Variants in HERPUD2 observed in about 807,000 individuals in gnomAD.
The protein encoded by HERPUD2 is homocysteine-responsive endoplasmic reticulum-resident ubiquitin-like domain member 2 protein.
A neutral mutation model predicts 49.9 loss-of-function variants in HERPUD2; 13 were observed. The ratio of observed to expected loss-of-function variants is 0.26; its 90% CI spans 0.17 to 0.41. HERPUD2 has a LOEUF of 0.41. HERPUD2 is among the 10% of genes least tolerant of loss of function. HERPUD2 has a pLI of 1.00. For synonymous variants in HERPUD2, 172 were observed against 171.4 expected, an observed-to-expected ratio of 1.00 and a Z score of -0.03; for missense variants, 449 against 492.2, an observed-to-expected ratio of 0.91 and a Z score of 0.83.
At chr7:35,675,759 T>C (rs1785747297) in intron 2 of HERPUD2, among the ~76,000 whole-genome samples, 5 of 152,066 alleles carry the variant, frequency 3.3e-5, no homozygotes, top group Admixed American at 3.3e-4. Context: ...TGTATTTTAA[T>C]CTTTTTTTTA....
chr7:35,651,016 G>A (rs1340236202), intron 5 of HERPUD2, among the ~76,000 whole-genome samples: 2 of 152,136 alleles, frequency 1.3e-5, no homozygotes, highest in Non-Finnish European at 2.9e-5. Flanking sequence ...CCAGAGGCCT[G>A]AGGACCCAAT....
chr7:35,679,680 T>C (rs1785838007), intron 2 of HERPUD2, among the ~76,000 whole-genome samples: 1 of 152,214 alleles, frequency 6.6e-6, no homozygotes, highest in Non-Finnish European at 1.5e-5. Flanking sequence ...TTCAGACAAG[T>C]TGCAAATTTG....
At chr7:35,663,661 C>T (rs1006100679) in intron 5 of HERPUD2, among the ~76,000 whole-genome samples, 8 of 152,136 alleles carry the variant, frequency 5.3e-5, no homozygotes, top group African/African-American at 1.7e-4. Context: ...ATGTAATGGC[C>T]TTTTGTCTCT....
chr7:35,664,349 A>G (rs1189716634), intron 5 of HERPUD2, among the ~76,000 whole-genome samples: 1 of 152,122 alleles, frequency 6.6e-6, no homozygotes, highest in South Asian at 2.1e-4. Context: ...AACTTTGGTG[A>G]ATCTGACAAT....
chr7:35,682,650 G>A (rs1303486527), intron 2 of HERPUD2, among the ~76,000 whole-genome samples: 1 of 151,524 alleles, frequency 6.6e-6, no homozygotes, highest in African/African-American at 2.4e-5. Flanking sequence ...TTATATGATC[G>A]TTTACCTAGA....
In HERPUD2 at chr7:35,673,195, G is replaced by A; in HGVS notation, c.225+6C>T. 1.2e-6 allele frequency: 2 copies of A among 1,607,314 alleles called. No homozygotes were observed. The highest frequency in any genetic ancestry group is 1.7e-6 in the Non-Finnish European group (2 of 1,175,356). On this transcript the variant is annotated splice_donor_region_variant and intron_variant, in intron 3 of 8. Coordinates refer to ENST00000311350, the MANE Select transcript of HERPUD2 (RefSeq NM_022373.5). ...TCTGGTATCAAATAGTGGTAGAAAA[G>A]CTTACTTTTCTGAGAATGTCTTTCA...
rs1269325654 is a variant in HERPUD2, at chr7:35,694,965, G to A, written c.-462C>T. The A allele has an allele frequency of 8.3e-6, 1 of 120,042 alleles. No homozygotes were observed. The highest frequency in any genetic ancestry group is 1.7e-5 in the Non-Finnish European group (1 of 58,056). 7.4% of individuals were successfully genotyped at this position (120,042 alleles called of 1,614,324 possible). On this transcript the variant is annotated 5_prime_UTR_variant, in exon 1 of 9. Coordinates refer to ENST00000311350, the MANE Select transcript of HERPUD2 (RefSeq NM_022373.5). ...CTCGCGAGGAGGCGCGGGTGAAAGG[G>A]AGAGAAGCTGACCGAAGGCGCGGCC...
chr7:35,656,289 T>A (rs1785273411), intron 5 of HERPUD2, among the ~76,000 whole-genome samples: 1 of 152,030 alleles, frequency 6.6e-6, no homozygotes, highest in Admixed American at 6.6e-5. Context: ...AAGACCTCTA[T>A]AAGGAAAACT....
intron 2 of HERPUD2, 82 bp from the exon 3 acceptor site, chr7:35,673,360 T>TA: frequency 1.9e-6 from 2 of 1,053,798 alleles, no homozygotes; most frequent in Non-Finnish European, 2.9e-6. Context: ...TAATTATGGG[T>TA]AAAATAAAAC....
At chr7:35,673,146 A>G (rs1413756466) in intron 3 of HERPUD2, 55 bp downstream of exon 3, 1 of 1,329,788 alleles carries the variant, frequency 7.5e-7, no homozygotes, top group East Asian at 2.3e-5. Context: ...TTCAGAACAT[A>G]TCTCCTCTCA....
chr7:35,677,527 T>C (rs947807441), intron 2 of HERPUD2, among the ~76,000 whole-genome samples: 5 of 152,158 alleles, frequency 3.3e-5, no homozygotes, highest in African/African-American at 9.7e-5. Context: ...AAAAACCTAA[T>C]TGGAATTGAT....
chr7:35,664,932 G>A (rs538949008), intron 5 of HERPUD2, among the ~76,000 whole-genome samples: 45 of 152,048 alleles, frequency 3.0e-4, no homozygotes, highest in Non-Finnish European at 4.3e-4. Flanking sequence ...GCTTTGTTCC[G>A]CTGCTGGCAA....
chr7:35,663,629 T>C (rs1785476534), intron 5 of HERPUD2, among the ~76,000 whole-genome samples: 1 of 152,236 alleles, frequency 6.6e-6, no homozygotes. Context: ...GCTCCTCTTG[T>C]TGAATTGATC....
Position 35,634,391 on chromosome 7 carries a change from C to A in HERPUD2, c.980G>T (p.Gly327Val). ...AGWFPFRQEGGHQQAPNNNAE... is the reference protein window; with the variant it reads ...AGWFPFRQEGVHQQAPNNNAE... ...ATTATTGTTGGGAGCCTGCTGATGA[C>A]CTCCTTCTTGCCTAAAAGGAAACCA... is the stretch of plus-strand genomic sequence containing the variant. The change falls in exon 8 of 9, where the codon GGT becomes GTT. Residue 327 changes from glycine (G) to valine (V), a missense_variant. Physicochemically the swap from Gly to Val is moderately radical, Grantham distance 109. Coordinates refer to ENST00000311350, the MANE Select transcript of HERPUD2 (RefSeq NM_022373.5). 1.2e-6 allele frequency: 2 copies of A among 1,613,872 alleles called. No homozygotes were observed. Among genetic ancestry groups the A allele is most frequent in the Non-Finnish European group, 1.7e-6 (2 of 1,179,778 alleles).
Position 35,667,419 on chromosome 7 carries a change from C to T in HERPUD2, c.494+15G>A. ...GGCCCCAATCACATTCCATAGCTAC[C>T]ACAATTTCACTTACCCTTGCATTAC... is the stretch of plus-strand genomic sequence containing the variant. On this transcript the variant is annotated intron_variant, in intron 5 of 8. Coordinates refer to ENST00000311350, the MANE Select transcript of HERPUD2 (RefSeq NM_022373.5). The T allele has an allele frequency of 6.3e-7, 1 of 1,599,844 alleles. No homozygotes were observed. Among genetic ancestry groups the T allele is most frequent in the Middle Eastern group, 1.7e-4 (1 of 6,004 alleles).
chr7:35,670,166 ACG>A, intron 4 of HERPUD2, 47 bp downstream of exon 4: 26 of 910,218 alleles, frequency 2.9e-5, no homozygotes, highest in Non-Finnish European at 4.0e-5. Flanking sequence ...TAAGACGACG[ACG>A]AAAAAAAAAG....
At chr7:35,667,383 C>A in intron 5 of HERPUD2, 51 bp downstream of exon 5, 3 of 1,541,136 alleles carry the variant, frequency 1.9e-6, no homozygotes, top group Non-Finnish European at 1.8e-6. Context: ...AAAAGCAATT[C>A]ATTTTTAGGG....
At chr7:35,686,830 TGG>T (rs200757734) in intron 2 of HERPUD2, among the ~76,000 whole-genome samples, 1 of 3,552 alleles carries the variant, frequency 2.8e-4, no homozygotes, top group African/African-American at 2.2e-3. Context: ...GGTGGGGGGG[TGG>T]GGGGGGGCGC....
Position 35,633,577 on chromosome 7 carries a change from C to T in HERPUD2, c.*113G>A, listed in dbSNP as rs540587237. ...GCATGAGAAGCCTAAAGAAAAAAAA[C>T]ACCTCTGTACATGATGATCAAAAGA... is the stretch of plus-strand genomic sequence containing the variant. On this transcript the variant is annotated 3_prime_UTR_variant, in exon 9 of 9. Coordinates refer to ENST00000311350, the MANE Select transcript of HERPUD2 (RefSeq NM_022373.5). The T allele has an allele frequency of 1.1e-5, 8 of 704,790 alleles. No homozygotes were observed. The highest frequency in any genetic ancestry group is 3.5e-5 in the Admixed American group (1 of 28,368). The allele number at this position is 704,790 out of a possible 1,614,324, so 43.7% of individuals were successfully genotyped here.
Sources: gnomAD v4.1 joint callset for allele counts (sites outside exome capture counted in the v4.1 genomes callset) on GRCh38, gnomAD v4.1.1 for gene constraint, MANE v1.5 for transcripts, NCBI Gene and HGNC (gene_info 2026-07-23, HGNC 2026-07-21) for gene names.